The following PDE3B variants were observed in gnomAD, a reference collection of about 807,000 sequenced individuals.
The protein encoded by PDE3B is cGMP-inhibited 3',5'-cyclic phosphodiesterase 3B.
PDE3B carries 66 observed loss-of-function variants against 116.8 expected under a neutral mutation model. The ratio of observed to expected loss-of-function variants is 0.56; its 90% CI spans 0.46 to 0.69. PDE3B has a LOEUF of 0.69. PDE3B is among the 30% of genes least tolerant of loss of function. The probability of loss-of-function intolerance (pLI) is 0.00; values close to 1 mark genes in which losing one functional copy is unlikely to be tolerated. For missense variants in PDE3B, 1,384 were observed against 1,368.1 expected (o/e 1.01, Z -0.18); for synonymous variants, 595 against 533.6 (o/e 1.12, Z -1.59).
chr11:14,665,388 A>G (rs758072863), intron 1 of PDE3B, among the ~76,000 whole-genome samples: 15 of 152,204 alleles, frequency 9.9e-5, no homozygotes, highest in South Asian at 2.1e-4. Context: ...CACCACTCCT[A>G]TTCCACATAC....
intron 1 of PDE3B, among the ~76,000 whole-genome samples, chr11:14,767,208 ATGTTT>A (rs1346986701): frequency 6.6e-6 from 1 of 151,558 alleles, no homozygotes; most frequent in African/African-American, 2.4e-5. Flanking sequence ...AGAGGTTTTT[ATGTTT>A]TGTTTGAAAA....
intron 1 of PDE3B, among the ~76,000 whole-genome samples, chr11:14,679,647 AG>A (rs1403792196): frequency 1.3e-5 from 2 of 151,942 alleles, no homozygotes; most frequent in Non-Finnish European, 2.9e-5. Context: ...ATCACTCTGA[AG>A]GACTCTCTTC....
At chr11:14,728,851 T>TTTATCAGA (rs1856384774) in intron 1 of PDE3B, among the ~76,000 whole-genome samples, 4 of 152,146 alleles carry the variant, frequency 2.6e-5, no homozygotes, top group African/African-American at 4.8e-5. Flanking sequence ...CTAAACTGCA[T>TTTATCAGA]GTTGACTCAT....
intron 1 of PDE3B, among the ~76,000 whole-genome samples, chr11:14,723,470 T>G (rs1251803373): frequency 6.6e-6 from 1 of 152,164 alleles, no homozygotes; most frequent in African/African-American, 2.4e-5. Flanking sequence ...AGCAAGTTTC[T>G]GGTCCAGGCA....
chr11:14,876,946 C>T (rs1208082146), downstream of PDE3B, among the ~76,000 whole-genome samples: 2 of 152,090 alleles, frequency 1.3e-5, no homozygotes, highest in Non-Finnish European at 2.9e-5. Flanking sequence ...ATCCAAGATG[C>T]AAACTCCTGA....
chr11:14,662,928 C>G (rs1853982752), intron 1 of PDE3B, among the ~76,000 whole-genome samples: 1 of 151,960 alleles, frequency 6.6e-6, no homozygotes. Context: ...GCAAGGTAGG[C>G]CAACATTCAG....
chr11:14,665,815 C>G (rs1590044533), intron 1 of PDE3B, among the ~76,000 whole-genome samples: 2 of 152,192 alleles, frequency 1.3e-5, no homozygotes, highest in Non-Finnish European at 2.9e-5. Flanking sequence ...ATTCCATGCT[C>G]ATGGGTAGGA....
At chr11:14,699,179 C>T (rs1441283509) in intron 1 of PDE3B, 1 of 151,860 alleles carries the variant, frequency 6.6e-6, no homozygotes, top group African/African-American at 2.4e-5. Context: ...TTGGAATTTA[C>T]TGGGATTTTT....
intron 1 of PDE3B, among the ~76,000 whole-genome samples, chr11:14,725,329 T>TTCTTTCTTTTTC (rs1554986140): frequency 6.5e-5 from 8 of 123,278 alleles, no homozygotes; most frequent in South Asian, 2.6e-4. Flanking sequence ...CTTTCTTTCT[T>TTCTTTCTTTTTC]TTTCTTTCTT....
chr11:14,865,272 T>C (rs1354605286), intron 14 of PDE3B, among the ~76,000 whole-genome samples: 1 of 152,178 alleles, frequency 6.6e-6, no homozygotes, highest in East Asian at 1.9e-4. Context: ...TTTTGAGGCT[T>C]CCTACAATGT....
At chr11:14,724,585 T>A (rs892167379) in intron 1 of PDE3B, among the ~76,000 whole-genome samples, 1 of 152,242 alleles carries the variant, frequency 6.6e-6, no homozygotes, top group Non-Finnish European at 1.5e-5. Flanking sequence ...GGAATTATGT[T>A]ATTCTAAATT....
chr11:14,832,677 G>T, intron 9 of PDE3B, 45 bp from the exon 10 acceptor site: 1 of 738,370 alleles, frequency 1.4e-6, no homozygotes, highest in Non-Finnish European at 2.2e-6. Flanking sequence ...GCTACAAATA[G>T]AAATTCTGAT....
chr11:14,647,050 A>T (rs1853430985), intron 1 of PDE3B, among the ~76,000 whole-genome samples: 1 of 151,988 alleles, frequency 6.6e-6, no homozygotes, highest in Non-Finnish European at 1.5e-5. Flanking sequence ...TCATAACAAG[A>T]ATGTTTATTT....
intron 1 of PDE3B, among the ~76,000 whole-genome samples, chr11:14,766,659 AAAAC>A (rs201226625): frequency 2.0e-4 from 30 of 151,674 alleles, no homozygotes; most frequent in Admixed American, 7.2e-4. Flanking sequence ...TCTTTCTGTG[AAAAC>A]AAACAAACAA....
At chr11:14,872,895 A>C (rs1555009261), downstream of PDE3B, among the ~76,000 whole-genome samples, 1 of 152,154 alleles carries the variant, frequency 6.6e-6, no homozygotes, top group Non-Finnish European at 1.5e-5. Flanking sequence ...ATATAAGTGG[A>C]CCCATGGAGT....
chr11:14,663,285 C>A (rs1379772237), intron 1 of PDE3B, among the ~76,000 whole-genome samples: 1 of 152,092 alleles, frequency 6.6e-6, no homozygotes, highest in East Asian at 1.9e-4. Flanking sequence ...ACCAGGCCTG[C>A]CCTAAAAGAG....
intron 1 of PDE3B, among the ~76,000 whole-genome samples, chr11:14,684,543 A>G (rs1306731226): frequency 2.0e-5 from 3 of 152,176 alleles, no homozygotes; most frequent in African/African-American, 7.2e-5. Flanking sequence ...TAAACATCTT[A>G]AACAACAGAA....
chr11:14,790,148 A>G (rs954567102), intron 4 of PDE3B, among the ~76,000 whole-genome samples: 9 of 152,000 alleles, frequency 5.9e-5, no homozygotes, highest in African/African-American at 2.2e-4. Flanking sequence ...ATAATTTTCT[A>G]GATTCTTAGG....
chr11:14,802,700 C>T (rs866297169), intron 4 of PDE3B, among the ~76,000 whole-genome samples: 4 of 152,054 alleles, frequency 2.6e-5, no homozygotes, highest in Non-Finnish European at 4.4e-5. Context: ...AGGCAGTTGC[C>T]GGTATGAAAT....
Sources: gnomAD v4.1 joint callset for allele counts (sites outside exome capture counted in the v4.1 genomes callset) on GRCh38, gnomAD v4.1.1 for gene constraint, MANE v1.5 for transcripts, NCBI Gene and HGNC (gene_info 2026-07-23, HGNC 2026-07-21) for gene names.